The following MSH4 variants were observed in gnomAD, a reference collection of about 807,000 sequenced individuals.
MSH4 encodes the protein mutS homolog 4.
Under a neutral mutation model 113.7 loss-of-function variants are expected in MSH4, and 106 were observed. The ratio of observed to expected loss-of-function variants is 0.93; its 90% confidence interval spans 0.80 to 1.10. The LOEUF is 1.10. Among genes scored for constraint, MSH4 ranks in the 50% least tolerant of loss-of-function variants. The pLI is 0.00. For synonymous variants in MSH4, 368 were observed against 380.2 expected (o/e 0.97, Z 0.37); for missense variants, 1,061 against 1,093.7 (o/e 0.97, Z 0.42).
In MSH4 at chr1:75,821,406, G is replaced by A. The variant is rs1313512139; in HGVS notation, c.990-1003G>A. Reference sequence around the variant, plus strand: ...GAATCTCTGGGACACATTCAAAGCAGTGTGTAGAGGGAAATTTATAGCACT... The same window carrying A: ...GAATCTCTGGGACACATTCAAAGCAATGTGTAGAGGGAAATTTATAGCACT... On this transcript the variant is annotated intron_variant, in intron 6 of 19. Transcript: ENST00000263187. Among the ~76,000 whole-genome samples, 9 of 151,518 alleles carry A rather than the reference G, an allele frequency of 5.9e-5. No homozygotes were observed. In the East Asian group the frequency reaches 1.7e-3, roughly 29 times the overall value.
chr1:75,856,236 C>T (rs868242150), intron 8 of MSH4, among the ~76,000 whole-genome samples: 11 of 152,004 alleles, frequency 7.2e-5, no homozygotes, highest in Middle Eastern at 3.4e-3. Context: ...TTATAATTAG[C>T]GCCATAAGGT....
chr1:75,805,510 C>T lies in MSH4; in HGVS notation c.428-1471C>T, dbSNP rs572755596. ...TCAAGTGATTCTCCTGCCTCGGCCT[C>T]CCGAGTAGCTGGGATTACAGGCATG... is the stretch of plus-strand genomic sequence containing the variant. On this transcript the variant is annotated intron_variant, in intron 2 of 19. Transcript: ENST00000263187. Among the ~76,000 whole-genome samples the T allele has an allele frequency of 1.5e-4, 23 of 151,692 alleles. 1 individual carries two copies. The South Asian group carries it at 4.6e-3, about 30-fold the overall frequency.
chr1:75,908,584 G>A (rs960563818), intron 19 of MSH4, among the ~76,000 whole-genome samples: 4 of 152,126 alleles, frequency 2.6e-5, no homozygotes. Context: ...ATCTCACCAC[G>A]ATGTTGATCA....
In MSH4 at chr1:75,880,046, G is replaced by A. The variant is rs760447933; in HGVS notation, c.1678-4G>A. 6.9e-7 allele frequency: 1 copy of A among 1,456,376 alleles called. No individual in the cohort carries two copies. Among genetic ancestry groups the A allele is most frequent in the Non-Finnish European group, 9.6e-7 (1 of 1,044,970 alleles). The allele number at this position is 1,456,376 out of a possible 1,614,324, so 90.2% of individuals were successfully genotyped here. On this transcript the variant is annotated splice_polypyrimidine_tract_variant and splice_region_variant and intron_variant, in intron 12 of 19. Coordinates refer to ENST00000263187, the MANE Select transcript of MSH4 (RefSeq NM_002440.4). Reference sequence around the variant, plus strand: ...TTGACATTTGTTTTTTAATCTCCAAGCAGATTTCTAAAGTGAAAAATTCTT... The same window carrying A: ...TTGACATTTGTTTTTTAATCTCCAAACAGATTTCTAAAGTGAAAAATTCTT...
At chr1:75,880,004 A>G in intron 12 of MSH4, 46 bp from the exon 13 acceptor site, 1 of 886,458 alleles carries the variant, frequency 1.1e-6, no homozygotes, top group Non-Finnish European at 1.9e-6. Flanking sequence ...TACATTTCAT[A>G]GTAGTGTGCA....
chr1:75,827,947 T>C (rs1650593206), intron 7 of MSH4, among the ~76,000 whole-genome samples: 1 of 152,120 alleles, frequency 6.6e-6, no homozygotes, highest in South Asian at 2.1e-4. Context: ...TTAAATTTAA[T>C]GGGCACATTA....
intron 8 of MSH4, among the ~76,000 whole-genome samples, chr1:75,865,959 A>G (rs544378885): frequency 6.6e-6 from 1 of 152,264 alleles, no homozygotes; most frequent in Non-Finnish European, 1.5e-5. Flanking sequence ...TCCTTTCCCC[A>G]CTGTTCCGCA....
chr1:75,875,578 G>C (rs1483332264), intron 9 of MSH4, among the ~76,000 whole-genome samples: 1 of 152,118 alleles, frequency 6.6e-6, no homozygotes, highest in Non-Finnish European at 1.5e-5. Context: ...CGTATCCTTA[G>C]AATACCCACT....
intron 19 of MSH4, among the ~76,000 whole-genome samples, chr1:75,908,078 T>C (rs970233762): frequency 6.6e-6 from 1 of 151,026 alleles, no homozygotes; most frequent in Non-Finnish European, 1.5e-5. Flanking sequence ...TTTTTTAAGT[T>C]CAACAAATGT....
intron 15 of MSH4, among the ~76,000 whole-genome samples, 193 bp downstream of exon 15, chr1:75,884,014 AT>A (rs1651991952): frequency 6.6e-6 from 1 of 152,166 alleles, no homozygotes; most frequent in African/African-American, 2.4e-5. Flanking sequence ...GCTCCATCCA[AT>A]TTCAATTGCA....
intron 1 of MSH4, among the ~76,000 whole-genome samples, chr1:75,797,679 C>T (rs1324573399): frequency 6.6e-6 from 1 of 152,146 alleles, no homozygotes; most frequent in Admixed American, 6.5e-5. Context: ...CGCCTGTAAT[C>T]CCAGCACTTT....
chr1:75,881,918 C>T (rs548080815), intron 14 of MSH4, among the ~76,000 whole-genome samples: 1 of 152,062 alleles, frequency 6.6e-6, no homozygotes, highest in South Asian at 2.1e-4. Flanking sequence ...ATCTAACTTA[C>T]CAGTAATAAC....
intron 18 of MSH4, among the ~76,000 whole-genome samples, chr1:75,899,108 T>TAGAG (rs1557530645): frequency 6.6e-6 from 1 of 152,168 alleles, no homozygotes; most frequent in Non-Finnish European, 1.5e-5. Context: ...ACAATAAAAT[T>TAGAG]AAGCTCTAAA....
chr1:75,872,780 T>A (rs1172975865), intron 9 of MSH4, among the ~76,000 whole-genome samples: 1 of 152,238 alleles, frequency 6.6e-6, no homozygotes, highest in African/African-American at 2.4e-5. Flanking sequence ...TAACATTAAA[T>A]TTTTAAAGAT....
chr1:75,823,292 C>A (rs1650471751), intron 7 of MSH4, among the ~76,000 whole-genome samples: 1 of 152,200 alleles, frequency 6.6e-6, no homozygotes, highest in Admixed American at 6.5e-5. Context: ...GATGCAATTT[C>A]CAAATAAGGT....
At chr1:75,856,672 T>A (rs954346709) in intron 8 of MSH4, among the ~76,000 whole-genome samples, 118 of 152,238 alleles carry the variant, frequency 7.8e-4, no homozygotes, top group African/African-American at 2.7e-3. Context: ...CACAATTTCT[T>A]AATCCAGTCT....
chr1:75,810,418 T>TA (rs1225637476), intron 3 of MSH4, among the ~76,000 whole-genome samples: 1 of 146,800 alleles, frequency 6.8e-6, no homozygotes. Context: ...TTGTATTTTT[T>TA]TTTTTTTTTT....
At chr1:75,855,291 G>A (rs1371616101) in intron 8 of MSH4, among the ~76,000 whole-genome samples, 1 of 152,098 alleles carries the variant, frequency 6.6e-6, no homozygotes, top group East Asian at 1.9e-4. Context: ...TCCTATCTTG[G>A]CCTCCTGAAG....
chr1:75,803,320 T>C lies in MSH4; in HGVS notation c.245-411T>C, dbSNP rs112036887. 8.5e-3 allele frequency among the ~76,000 whole-genome samples: 1,296 copies of C among 152,206 alleles called. 16 individuals carry two copies. The highest frequency in any genetic ancestry group is 0.03 in the African/African-American group (1,226 of 41,552). ...AAAATCATTTTCACATGAAATTTTA[T>C]AGAAAGTGAACATAGTGGTTGGGTG... On this transcript the variant is annotated intron_variant, in intron 1 of 19. Coordinates refer to ENST00000263187, the MANE Select transcript of MSH4 (RefSeq NM_002440.4).
Sources: gnomAD v4.1 joint callset for allele counts (sites outside exome capture counted in the v4.1 genomes callset) on GRCh38, gnomAD v4.1.1 for gene constraint, MANE v1.5 for transcripts, NCBI Gene and HGNC (gene_info 2026-07-23, HGNC 2026-07-21) for gene names.